ACSM1: variants seen among roughly 807,000 people sequenced by gnomAD.
The protein encoded by ACSM1 is acyl-CoA synthetase medium chain family member 1.
Under a neutral mutation model 75.8 loss-of-function variants are expected in ACSM1, and 79 were observed. The observed-to-expected ratio is 1.04, with a 90% CI of 0.87 to 1.26. The LOEUF (loss-of-function observed/expected upper bound fraction) is 1.26, where lower values mean the gene tolerates loss of function less well. Ranked by LOEUF, ACSM1 falls within the 50% of genes most tolerant of loss-of-function variation. The pLI, the probability that ACSM1 is intolerant of heterozygous loss-of-function variation, is 0.00. For missense variants in ACSM1, 676 were observed against 720.1 expected (o/e 0.94, Z 0.70); for synonymous variants, 279 against 265.8 (o/e 1.05, Z -0.48).
chr16:20,651,104 C>T (rs1380024605), intron 7 of ACSM1, among the ~76,000 whole-genome samples: 1 of 152,162 alleles, frequency 6.6e-6, no homozygotes, highest in East Asian at 1.9e-4. Flanking sequence ...TTCCCTCTAG[C>T]ATACCAGACT....
chr16:20,680,243 C>A (rs781485780), intron 4 of ACSM1: 2 of 152,192 alleles, frequency 1.3e-5, no homozygotes, highest in African/African-American at 4.8e-5. Context: ...AGCACTATAA[C>A]GACTTGATAG....
chr16:20,631,570 C>A (rs555577196), intron 10 of ACSM1, among the ~76,000 whole-genome samples: 6 of 152,150 alleles, frequency 3.9e-5, no homozygotes, highest in African/African-American at 1.4e-4. Flanking sequence ...TATGCACATG[C>A]GTGTTTATAG....
intron 9 of ACSM1, 47 bp downstream of exon 9, chr16:20,637,324 C>T (rs762757468): frequency 1.3e-6 from 2 of 1,522,402 alleles, no homozygotes; most frequent in South Asian, 1.1e-5. Context: ...ATTGTCCAAC[C>T]CCCGCTGAGC....
chr16:20,676,586 A>G (rs1596926184), intron 4 of ACSM1, among the ~76,000 whole-genome samples: 1 of 152,188 alleles, frequency 6.6e-6, no homozygotes, highest in East Asian at 1.9e-4. Context: ...TACAAGGTGT[A>G]CATTAACTGA....
intron 11 of ACSM1, among the ~76,000 whole-genome samples, chr16:20,625,985 C>CTTG (rs375158632): frequency 1.3e-3 from 192 of 152,310 alleles, no homozygotes; most frequent in Middle Eastern, 6.8e-3. Flanking sequence ...AGCACACTAG[C>CTTG]ATATCCATCG....
chr16:20,646,809 T>G (rs958972407), intron 7 of ACSM1, among the ~76,000 whole-genome samples: 1 of 152,178 alleles, frequency 6.6e-6, no homozygotes, highest in African/African-American at 2.4e-5. Context: ...AGAAAGGGAA[T>G]TCCTAACTTC....
intron 7 of ACSM1, among the ~76,000 whole-genome samples, chr16:20,656,714 C>T (rs1253574322): frequency 2.0e-5 from 3 of 152,116 alleles, no homozygotes; most frequent in African/African-American, 7.2e-5. Context: ...ATATGAAACT[C>T]ATTTGACATC....
chr16:20,676,693 G>A (rs889403477), intron 4 of ACSM1, among the ~76,000 whole-genome samples: 1 of 152,188 alleles, frequency 6.6e-6, no homozygotes, highest in African/African-American at 2.4e-5. Flanking sequence ...TTGCAAGGAG[G>A]CATGGTCGTG....
chr16:20,627,073 G>T, intron 11 of ACSM1, 116 bp downstream of exon 11: 1 of 1,348,528 alleles, frequency 7.4e-7, no homozygotes, highest in South Asian at 1.8e-5. Flanking sequence ...CATAGACACG[G>T]CTCTATTCAG....
chr16:20,645,909 G>A (rs1184893904), intron 7 of ACSM1, among the ~76,000 whole-genome samples: 1 of 152,190 alleles, frequency 6.6e-6, no homozygotes, highest in Non-Finnish European at 1.5e-5. Flanking sequence ...GGGAGGCATT[G>A]AGGAAGCATA....
chr16:20,677,713 A>G (rs2152293835), intron 4 of ACSM1, among the ~76,000 whole-genome samples: 1 of 152,336 alleles, frequency 6.6e-6, no homozygotes, highest in African/African-American at 2.4e-5. Flanking sequence ...TCAGTAGTAG[A>G]GGTGCAGTCT....
At chr16:20,637,306 G>A in intron 9 of ACSM1, 65 bp downstream of exon 9, 1 of 1,267,864 alleles carries the variant, frequency 7.9e-7, no homozygotes, top group Non-Finnish European at 1.2e-6. Context: ...GTTGTCACCT[G>A]GTGTCAAATT....
chr16:20,623,763 C>T (rs992882421), intron 13 of ACSM1, among the ~76,000 whole-genome samples, 191 bp from the exon 14 acceptor site: 1 of 152,214 alleles, frequency 6.6e-6, no homozygotes, highest in Admixed American at 6.5e-5. Context: ...ATGGGATTTG[C>T]TTTGACCCAG....
At chr16:20,655,130 C>G (rs1224468780) in intron 7 of ACSM1, among the ~76,000 whole-genome samples, 2 of 151,722 alleles carry the variant, frequency 1.3e-5, no homozygotes, top group Non-Finnish European at 1.5e-5. Flanking sequence ...CCATCATTCT[C>G]AGCAAACTAT....
At chr16:20,663,489 C>T (rs549156633) in intron 6 of ACSM1, among the ~76,000 whole-genome samples, 4 of 152,220 alleles carry the variant, frequency 2.6e-5, no homozygotes, top group Admixed American at 6.5e-5. Context: ...CCTTTGACTC[C>T]GCCGGACTTT....
At chr16:20,646,335 C>A (rs540879748) in intron 7 of ACSM1, among the ~76,000 whole-genome samples, 1 of 152,176 alleles carries the variant, frequency 6.6e-6, no homozygotes, top group African/African-American at 2.4e-5. Context: ...GCCCACTGCC[C>A]GAGGGGACGA....
intron 7 of ACSM1, among the ~76,000 whole-genome samples, chr16:20,657,049 C>T (rs1043166045): frequency 2.0e-5 from 3 of 151,924 alleles, no homozygotes; most frequent in African/African-American, 7.3e-5. Context: ...GATAAAGTAC[C>T]TTGTAACAAA....
In ACSM1 at chr16:20,689,617, GT is replaced by G. The variant is rs900768632; in HGVS notation, c.192+1379del. On this transcript the variant is annotated intron_variant, in intron 2 of 13. Coordinates refer to ENST00000520010, the MANE Select transcript of ACSM1 (RefSeq NM_001318890.3). ...AAATCAATGAAAAACTTTTAGAATT[GT>G]TTTTATAATAAAATGCTTATAGTTT... 3.3e-5 allele frequency among the ~76,000 whole-genome samples: 5 copies of G among 152,070 alleles called. 1 individual carries two copies. The highest frequency in any genetic ancestry group is 9.7e-5 in the African/African-American group (4 of 41,404).
At chr16:20,645,407 C>T (rs1011553821) in intron 7 of ACSM1, among the ~76,000 whole-genome samples, 4 of 152,154 alleles carry the variant, frequency 2.6e-5, no homozygotes, top group Admixed American at 2.6e-4. Flanking sequence ...AAGATGTATT[C>T]TGGAGAATTC....
Sources: allele counts gnomAD v4.1 joint callset (sites outside exome capture counted in the v4.1 genomes callset), GRCh38; gene constraint gnomAD v4.1.1; transcripts MANE v1.5; gene names NCBI Gene and HGNC (gene_info 2026-07-23, HGNC 2026-07-21).